The following PSMD14 variants were observed in gnomAD, a reference collection of about 807,000 sequenced individuals.
PSMD14 encodes proteasome 26S subunit, non-ATPase 14.
Under a neutral mutation model 41.2 loss-of-function variants are expected in PSMD14, and 7 were observed. The ratio of observed to expected loss-of-function variants is 0.17; its 90% CI spans 0.10 to 0.32. PSMD14 has a LOEUF of 0.32. Ranked by LOEUF, PSMD14 falls within the 10% of genes least tolerant of loss-of-function variation. PSMD14 has a pLI of 1.00. For synonymous variants in PSMD14, 114 were observed against 122.3 expected (o/e 0.93, Z 0.45); for missense variants, 139 against 375.6 (o/e 0.37, Z 5.21).
Position 161,408,950 on chromosome 2 carries a change from T to C in PSMD14, c.834+51T>C, listed in dbSNP as rs556924247. The C allele has an allele frequency of 1.6e-5, 24 of 1,468,330 alleles. 1 individual carries two copies. The highest frequency in any genetic ancestry group is 3.4e-4 in the Middle Eastern group (2 of 5,800). 91.0% of individuals were successfully genotyped at this position (1,468,330 alleles called of 1,614,324 possible). ...GCAGTTGCATAATAACATGTTCTTA[T>C]AGAGTTAAAACTGTTTTAGGGCCTA... On this transcript the variant is annotated intron_variant, in intron 11 of 11. Transcript: ENST00000409682.
At chr2:161,345,623 G>A (rs1354853681) in intron 3 of PSMD14, among the ~76,000 whole-genome samples, 1 of 151,978 alleles carries the variant, frequency 6.6e-6, no homozygotes, top group Non-Finnish European at 1.5e-5. Context: ...TTTGGGTTAT[G>A]ATATTCATTG....
At chr2:161,383,363 C>T (rs1484354868) in intron 7 of PSMD14, 1 of 151,886 alleles carries the variant, frequency 6.6e-6, no homozygotes, top group Admixed American at 6.6e-5. Flanking sequence ...TTCTATAGGC[C>T]ATCATTGCTA....
intron 1 of PSMD14, among the ~76,000 whole-genome samples, chr2:161,312,146 T>G (rs990739963): frequency 2.8e-5 from 4 of 141,818 alleles, no homozygotes; most frequent in Non-Finnish European, 6.2e-5. Flanking sequence ...TGAAAAGTAA[T>G]TTTTTTTTTT....
In PSMD14 at chr2:161,367,772, T is replaced by C; in HGVS notation, c.121-12T>C. 2 of 1,612,320 alleles carry C rather than the reference T, an allele frequency of 1.2e-6. No homozygotes were observed. Among genetic ancestry groups the C allele is most frequent in the African/African-American group, 2.7e-5 (2 of 75,006 alleles). The stretch of plus-strand genomic sequence containing the variant: ...AAATTTGCTTTGTGTCCACATCTCT[T>C]CCTTTCTACAGATGTTAAAACATGG... On this transcript the variant is annotated splice_polypyrimidine_tract_variant and intron_variant, in intron 4 of 11. Transcript: ENST00000409682.
At chr2:161,368,164 T>TTTAAAGTTTTAA (rs1683384415) in intron 5 of PSMD14, among the ~76,000 whole-genome samples, 1 of 152,114 alleles carries the variant, frequency 6.6e-6, no homozygotes. Context: ...TGGTGTAAAA[T>TTTAAAGTTTTAA]ACTGGATTTA....
chr2:161,358,239 G>A (rs1425555998), intron 3 of PSMD14, among the ~76,000 whole-genome samples: 2 of 151,928 alleles, frequency 1.3e-5, no homozygotes, highest in African/African-American at 4.8e-5. Context: ...GTAAATCCAG[G>A]TCTTTTTTAG....
chr2:161,308,570 C>T lies in PSMD14; in HGVS notation c.-172C>T, dbSNP rs1049331054. Reference sequence around the variant, plus strand: ...GTCACCACAGAGGCAAGACAAGGGTCCATATCGCGGCATCCGGCTCCCGCC... The same window carrying T: ...GTCACCACAGAGGCAAGACAAGGGTTCATATCGCGGCATCCGGCTCCCGCC... On this transcript the variant is annotated 5_prime_UTR_variant, in exon 1 of 12. Coordinates refer to ENST00000409682, the MANE Select transcript of PSMD14 (RefSeq NM_005805.6). 6.6e-6 allele frequency: 1 copy of T among 152,330 alleles called. No homozygotes were observed. The allele number at this position is 152,330 out of a possible 1,614,324, so 9.4% of individuals were successfully genotyped here.
At chr2:161,384,192 T>C (rs763780674) in intron 7 of PSMD14, 16 of 151,672 alleles carry the variant, frequency 1.1e-4, no homozygotes, top group Non-Finnish European at 1.9e-4. Context: ...AAAAGTAAAA[T>C]TCAGAGTTGA....
intron 9 of PSMD14, among the ~76,000 whole-genome samples, chr2:161,392,991 A>G (rs1334506915): frequency 6.6e-6 from 1 of 152,150 alleles, no homozygotes; most frequent in East Asian, 1.9e-4. Context: ...ATAAAAAGCA[A>G]ATATATAAGC....
chr2:161,378,468 T>C (rs1683531725), intron 7 of PSMD14, among the ~76,000 whole-genome samples: 1 of 151,992 alleles, frequency 6.6e-6, no homozygotes, highest in Non-Finnish European at 1.5e-5. Context: ...GGTAAAAATT[T>C]CTATAGCATA....
At chr2:161,364,650 C>T (rs181776272) in intron 3 of PSMD14, among the ~76,000 whole-genome samples, 34 of 152,266 alleles carry the variant, frequency 2.2e-4, no homozygotes, top group African/African-American at 7.2e-4. Flanking sequence ...AAACAACAGC[C>T]TTAGTCACTG....
At chr2:161,308,714 C>G (rs1395640220) in intron 1 of PSMD14, 110 bp downstream of exon 1, 1 of 152,356 alleles carries the variant, frequency 6.6e-6, no homozygotes, top group East Asian at 1.9e-4. Context: ...CCACAGGAGG[C>G]CTGGGCCGCG....
intron 3 of PSMD14, among the ~76,000 whole-genome samples, chr2:161,330,428 A>T (rs1682771667): frequency 6.6e-6 from 1 of 152,186 alleles, no homozygotes; most frequent in Admixed American, 6.5e-5. Flanking sequence ...TTCTTTCCCT[A>T]CCTTCAACAT....
chr2:161,330,306 G>A lies in PSMD14; in HGVS notation c.48+11433G>A, dbSNP rs559081341. 1.2e-3 allele frequency among the ~76,000 whole-genome samples: 181 copies of A among 152,300 alleles called. 1 individual carries two copies. The highest frequency in any genetic ancestry group is 0.012 in the South Asian group (57 of 4,828). ...ACCATTTTTGGTAGAAAGTATATGGGAAAGAAGACAGAAGAAGATATCTCT... is the reference window on the plus strand; with the variant it reads ...ACCATTTTTGGTAGAAAGTATATGGAAAAGAAGACAGAAGAAGATATCTCT... On this transcript the variant is annotated intron_variant, in intron 3 of 11. Transcript: ENST00000409682.
chr2:161,321,729 T>G (rs1368720341), intron 3 of PSMD14, among the ~76,000 whole-genome samples: 1 of 152,224 alleles, frequency 6.6e-6, no homozygotes, highest in African/African-American at 2.4e-5. Flanking sequence ...TGCTTATTAT[T>G]ACAATTTTGT....
chr2:161,344,721 G>C (rs1386361527), intron 3 of PSMD14, among the ~76,000 whole-genome samples: 2 of 152,152 alleles, frequency 1.3e-5, no homozygotes, highest in Non-Finnish European at 2.9e-5. Context: ...AAGCAGGTCT[G>C]CTGCCCATTT....
At position 161,370,449 on chromosome 2, in the gene PSMD14, T is replaced by C. The variant is rs191011970; in HGVS notation, c.311+272T>C. On this transcript the variant is annotated intron_variant, in intron 6 of 11. Transcript: ENST00000409682. ...CTGTAGCTTCCCTCTGTTTAGCATATGGAGTTACTGTCTAGTCACTTATAA... is the reference window on the plus strand; with the variant it reads ...CTGTAGCTTCCCTCTGTTTAGCATACGGAGTTACTGTCTAGTCACTTATAA... Among the ~76,000 whole-genome samples, 9 of 152,220 alleles carry C rather than the reference T, an allele frequency of 5.9e-5. No individual in the cohort carries two copies. The East Asian group carries it at 1.7e-3, about 29-fold the overall frequency.
At chr2:161,309,134 G>A (rs1689059073) in intron 1 of PSMD14, among the ~76,000 whole-genome samples, 1 of 152,162 alleles carries the variant, frequency 6.6e-6, no homozygotes, top group South Asian at 2.1e-4. Context: ...AACAAAGTGT[G>A]CTACTATGGC....
chr2:161,314,360 A>G (rs1206132999), intron 1 of PSMD14, among the ~76,000 whole-genome samples: 1 of 152,242 alleles, frequency 6.6e-6, no homozygotes, highest in African/African-American at 2.4e-5. Context: ...TTGTTCACTC[A>G]TTGACACTTT....
Sources: allele counts gnomAD v4.1 joint callset (sites outside exome capture counted in the v4.1 genomes callset), GRCh38; gene constraint gnomAD v4.1.1; transcripts MANE v1.5; gene names NCBI Gene and HGNC (gene_info 2026-07-23, HGNC 2026-07-21).